The following TULP4 variants were observed in gnomAD, a reference collection of about 807,000 sequenced individuals.
TULP4 encodes the protein tubby-related protein 4.
A neutral mutation model predicts 129.0 loss-of-function variants in TULP4; 16 were observed. The observed-to-expected ratio is 0.12, with a 90% CI of 0.08 to 0.19. The LOEUF is 0.19. Among genes scored for constraint, TULP4 ranks in the 10% least tolerant of loss-of-function variants. The pLI is 1.00. For missense variants in TULP4, 1,842 were observed against 2,059.1 expected (o/e 0.89, Z 2.04); for synonymous variants, 998 against 854.0 (o/e 1.17, Z -2.94).
At chr6:158,463,225 T>A (rs1362914392) in intron 6 of TULP4, among the ~76,000 whole-genome samples, 1 of 152,228 alleles carries the variant, frequency 6.6e-6, no homozygotes, top group Non-Finnish European at 1.5e-5. Context: ...ATGCCAGTGA[T>A]GAACCTTTAC....
In TULP4 at chr6:158,500,781, A is replaced by G. The variant is rs372703876; in HGVS notation, c.2015-897A>G. ...CTGTTTGAAATGCTAAAAAGCAGATAAAGGCCAGGCAGGGTGGCTCACACC... is the reference window on the plus strand; with the variant it reads ...CTGTTTGAAATGCTAAAAAGCAGATGAAGGCCAGGCAGGGTGGCTCACACC... On this transcript the variant is annotated intron_variant, in intron 12 of 13. Transcript: ENST00000367097. Among the ~76,000 whole-genome samples, 5 of 152,338 alleles carry G rather than the reference A, an allele frequency of 3.3e-5. No homozygotes were observed. The East Asian group carries it at 7.7e-4, about 24-fold the overall frequency.
At chr6:158,241,832 A>T (rs1359192451) in intron 1 of TULP4, 1 of 595,552 alleles carries the variant, frequency 1.7e-6, no homozygotes, top group East Asian at 3.2e-5. Context: ...TGACCTTGTG[A>T]TCTGCCTGCC....
Position 158,501,807 on chromosome 6 carries a change from C to A in TULP4, c.2144C>A (p.Ala715Asp). The A allele has an allele frequency of 6.2e-7, 1 of 1,614,164 alleles. No homozygotes were observed. ...ATAGGGCTGGTGCAGTCCCTACTGG[C>A]CAATCAGAATGTGCAGCTAGATGTC... Reference protein sequence around the residue: ...QSIGLVQSLLANQNVQLDVLT... With the variant: ...QSIGLVQSLLDNQNVQLDVLT... Residue 715 changes from alanine (A) to aspartate (D), a missense_variant, in exon 13 of 14, where the codon GCC becomes GAC. Ala to Asp is a moderately radical substitution (Grantham distance 126). Around this residue, in one of 5 missense-constraint regions of TULP4, gnomAD observed 99 missense variants for 165.1 expected, o/e 0.60. Transcript: ENST00000367097.
At chr6:158,393,395 A>G (rs1777632970) in intron 1 of TULP4, among the ~76,000 whole-genome samples, 1 of 152,224 alleles carries the variant, frequency 6.6e-6, no homozygotes, top group African/African-American at 2.4e-5. Flanking sequence ...TTCACCAGGC[A>G]GTGCCCCAGT....
chr6:158,306,096 G>A (rs890644913), intron 1 of TULP4, among the ~76,000 whole-genome samples: 7 of 151,998 alleles, frequency 4.6e-5, no homozygotes, highest in Admixed American at 2.6e-4. Context: ...TCATAATAAA[G>A]TGGAATTAAA....
intron 4 of TULP4, among the ~76,000 whole-genome samples, chr6:158,451,816 A>G (rs957949040): frequency 9.2e-5 from 14 of 152,272 alleles, no homozygotes; most frequent in African/African-American, 7.2e-5. Context: ...ATTTATGTCT[A>G]TATGTCATTA....
Position 158,449,067 on chromosome 6 carries a change from C to T in TULP4, c.615C>T (p.Leu205=). The part of the protein sequence containing the change: ...DCHGRMLAHV[L]LHESDGVLGM... ...ACGGCAGAATGCTGGCCCACGTCCT[C>T]TTGCACGAGTCAGACGGTGTCCTCG... Residue 205 remains leucine, a synonymous_variant, in exon 4 of 14, where the codon CTC becomes CTT. Coordinates refer to ENST00000367097, the MANE Select transcript of TULP4 (RefSeq NM_020245.5). 1.2e-6 allele frequency: 2 copies of T among 1,614,076 alleles called. No individual in the cohort carries two copies. Among genetic ancestry groups the T allele is most frequent in the Non-Finnish European group, 1.7e-6 (2 of 1,179,974 alleles).
intron 1 of TULP4, among the ~76,000 whole-genome samples, chr6:158,377,094 T>C (rs1777206996): frequency 6.6e-6 from 1 of 152,244 alleles, no homozygotes; most frequent in Admixed American, 6.5e-5. Context: ...TTTTAAATTA[T>C]TGCTGTGTAA....
At chr6:158,488,907 C>T (rs901048787) in intron 8 of TULP4, among the ~76,000 whole-genome samples, 1 of 152,082 alleles carries the variant, frequency 6.6e-6, no homozygotes, top group African/African-American at 2.4e-5. Context: ...ACAGTTTTGC[C>T]ATCATCCCAC....
chr6:158,426,263 A>G (rs548858908), intron 2 of TULP4, among the ~76,000 whole-genome samples: 4 of 151,926 alleles, frequency 2.6e-5, no homozygotes, highest in Admixed American at 6.6e-5. Context: ...TTTTGTTGCT[A>G]TTGCTTTTGG....
Position 158,493,844 on chromosome 6 carries a change from G to C in TULP4, c.1776+127G>C. 9.4e-7 allele frequency: 1 copy of C among 1,067,696 alleles called. No individual in the cohort carries two copies. The highest frequency in any genetic ancestry group is 2.0e-5 in the South Asian group (1 of 50,524). The allele number at this position is 1,067,696 out of a possible 1,614,324, so 66.1% of individuals were successfully genotyped here. A position where few individuals can be genotyped will look rare whatever the true frequency, so the allele number is the denominator to read the frequency against. On this transcript the variant is annotated intron_variant, in intron 10 of 13. Transcript: ENST00000367097. The surrounding 1 kb of genome is among the most constrained non-coding windows in gnomAD (Gnocchi z 4.4). Reference sequence around the variant, plus strand: ...GTCCCTGAGCTCTGCTCCACATCCTGCACACCACCTACTACCTCAGGAGTA... The same window carrying C: ...GTCCCTGAGCTCTGCTCCACATCCTCCACACCACCTACTACCTCAGGAGTA...
At chr6:158,365,638 A>G (rs532836543) in intron 1 of TULP4, among the ~76,000 whole-genome samples, 2,643 of 149,304 alleles carry the variant, frequency 0.018, 21 homozygotes, top group African/African-American at 0.027. Context: ...CACCATGCCC[A>G]GCTAATTTTT....
At chr6:158,268,151 C>G (rs1583690386) in intron 1 of TULP4, among the ~76,000 whole-genome samples, 1 of 151,036 alleles carries the variant, frequency 6.6e-6, no homozygotes. Context: ...TTCTTCTGCC[C>G]CAGCCTCCCG....
intron 3 of TULP4, among the ~76,000 whole-genome samples, chr6:158,435,455 A>G (rs561310529): frequency 6.6e-6 from 1 of 152,226 alleles, no homozygotes; most frequent in East Asian, 1.9e-4. Flanking sequence ...TCCTTTCTGC[A>G]GTGCCTCTCC....
At chr6:158,480,144 C>A (rs538852314) in intron 7 of TULP4, among the ~76,000 whole-genome samples, 169 bp downstream of exon 7, 2 of 152,332 alleles carry the variant, frequency 1.3e-5, no homozygotes, top group South Asian at 4.1e-4. Flanking sequence ...GCATCATGGT[C>A]CATGTCCATG....
upstream of TULP4, among the ~76,000 whole-genome samples, chr6:158,309,725 C>T (rs1454581248): frequency 6.6e-6 from 1 of 152,036 alleles, no homozygotes; most frequent in African/African-American, 2.4e-5. Context: ...CCCGTCTCCA[C>T]CAAAAAAATA....
At chr6:158,363,784 C>T (rs545754688) in intron 1 of TULP4, among the ~76,000 whole-genome samples, 116 of 152,052 alleles carry the variant, frequency 7.6e-4, no homozygotes, top group Non-Finnish European at 1.1e-3. Context: ...CGCGCAAGGC[C>T]GCGTGTTTTT....
chr6:158,396,752 C>G (rs894409332), intron 1 of TULP4, among the ~76,000 whole-genome samples: 39 of 152,150 alleles, frequency 2.6e-4, no homozygotes, highest in African/African-American at 9.2e-4. Flanking sequence ...CAGATACATA[C>G]ACATTGTAAT....
chr6:158,351,643 T>G (rs1437283026), intron 1 of TULP4, among the ~76,000 whole-genome samples: 1 of 151,788 alleles, frequency 6.6e-6, no homozygotes, highest in Non-Finnish European at 1.5e-5. Context: ...GGATTGTCTA[T>G]ATTGACAAAG....
Sources: gnomAD v4.1 joint callset for allele counts (sites outside exome capture counted in the v4.1 genomes callset) on GRCh38, gnomAD v4.1.1 for gene constraint, gnomAD v4.1.1 regional missense constraint, Gnocchi (gnomAD v3.1) non-coding constraint, MANE v1.5 for transcripts, NCBI Gene and HGNC (gene_info 2026-07-23, HGNC 2026-07-21) for gene names.